The following CFAP20DC variants were observed in gnomAD, a reference collection of about 807,000 sequenced individuals.
The protein encoded by CFAP20DC is protein CFAP20DC.
A neutral mutation model predicts 101.7 loss-of-function variants in CFAP20DC; 84 were observed. The ratio of observed to expected loss-of-function variants is 0.83; its 90% CI spans 0.69 to 0.99. CFAP20DC has a LOEUF of 0.99. CFAP20DC is among the 50% of genes least tolerant of loss of function. The pLI is 0.00. For missense variants in CFAP20DC, 1,007 were observed against 970.3 expected (o/e 1.04, Z -0.50); for synonymous variants, 359 against 351.2 (o/e 1.02, Z -0.25).
intron 12 of CFAP20DC, among the ~76,000 whole-genome samples, chr3:58,856,148 G>A (rs937550723): frequency 6.6e-6 from 1 of 151,318 alleles, no homozygotes; most frequent in African/African-American, 2.4e-5. Flanking sequence ...CTAACAAATA[G>A]TGTACCTCCA....
At chr3:58,747,614 G>A (rs2068296063) in intron 16 of CFAP20DC, among the ~76,000 whole-genome samples, 1 of 152,134 alleles carries the variant, frequency 6.6e-6, no homozygotes, top group South Asian at 2.1e-4. Flanking sequence ...AGAACTGATT[G>A]ACTGTATTTT....
chr3:58,817,936 G>C (rs2075322215), intron 14 of CFAP20DC, among the ~76,000 whole-genome samples: 1 of 150,532 alleles, frequency 6.6e-6, no homozygotes, highest in Non-Finnish European at 1.5e-5. Flanking sequence ...ACTAACAGCG[G>C]ATCTCTCGGC....
At chr3:58,919,924 T>C (rs1447426809) in intron 5 of CFAP20DC, among the ~76,000 whole-genome samples, 1 of 152,160 alleles carries the variant, frequency 6.6e-6, no homozygotes, top group Non-Finnish European at 1.5e-5. Context: ...TAGAATTGTT[T>C]ACATAAATGA....
At chr3:58,996,159 G>C (rs1457014618) in intron 4 of CFAP20DC, among the ~76,000 whole-genome samples, 1 of 151,884 alleles carries the variant, frequency 6.6e-6, no homozygotes, top group African/African-American at 2.4e-5. Flanking sequence ...ACCATAATTG[G>C]GTTTTCCAGT....
chr3:58,815,231 A>C (rs1057327213), intron 14 of CFAP20DC, among the ~76,000 whole-genome samples: 7 of 151,746 alleles, frequency 4.6e-5, no homozygotes, highest in Admixed American at 4.6e-4. Context: ...AATCTTTGAC[A>C]AACCTGAGAA....
At chr3:58,763,413 A>T (rs564400907) in intron 15 of CFAP20DC, among the ~76,000 whole-genome samples, 4 of 152,014 alleles carry the variant, frequency 2.6e-5, no homozygotes, top group South Asian at 4.2e-4. Context: ...ACTTCTCTGC[A>T]TTGGTTATTC....
chr3:58,865,722 T>G (rs1047991802), intron 11 of CFAP20DC, among the ~76,000 whole-genome samples: 64 of 152,242 alleles, frequency 4.2e-4, no homozygotes, highest in African/African-American at 1.5e-3. Flanking sequence ...TGTATATGGA[T>G]ATGTGAAGAA....
chr3:58,808,564 C>A (rs113406203), intron 14 of CFAP20DC, among the ~76,000 whole-genome samples: 13,009 of 152,104 alleles, frequency 0.086, 972 homozygotes, highest in East Asian at 0.35. Context: ...CCTGAAGGAA[C>A]CGCTAAACAT....
Position 58,959,386 on chromosome 3 carries a change from G to A in CFAP20DC, c.279-21624C>T, listed in dbSNP as rs1418766579. 3.3e-5 allele frequency among the ~76,000 whole-genome samples: 5 copies of A among 152,182 alleles called. No individual in the cohort carries two copies. In the East Asian group the frequency reaches 7.7e-4, roughly 23 times the overall value. On this transcript the variant is annotated intron_variant, in intron 4 of 16. Transcript: ENST00000482387. ...TGGGATTACAGGCGTAAGCCACTGCGTCTGGCCAAAGTCTTATATTTGAGT... is the reference window on the plus strand; with the variant it reads ...TGGGATTACAGGCGTAAGCCACTGCATCTGGCCAAAGTCTTATATTTGAGT...
intron 4 of CFAP20DC, among the ~76,000 whole-genome samples, chr3:59,011,554 A>G (rs187934151): frequency 6.6e-6 from 1 of 152,242 alleles, no homozygotes; most frequent in Non-Finnish European, 1.5e-5. Context: ...GGAAGGAACT[A>G]GAGAAAGAAG....
At chr3:58,903,456 T>G (rs1680306641) in intron 6 of CFAP20DC, among the ~76,000 whole-genome samples, 1 of 152,204 alleles carries the variant, frequency 6.6e-6, no homozygotes, top group South Asian at 2.1e-4. Flanking sequence ...GTTTGTGTAT[T>G]AGTTCCTTCT....
Position 58,765,461 on chromosome 3 carries a change from A to G in CFAP20DC, c.2238-11598T>C, listed in dbSNP as rs1386968455. ...AAAGAGTCATGGTCTGATGGAGAAC[A>G]CATTCTAGCCAAAAAAAAAAAAAAA... On this transcript the variant is annotated intron_variant, in intron 15 of 16. Transcript: ENST00000482387. Among the ~76,000 whole-genome samples the G allele has an allele frequency of 3.4e-4, 48 of 143,230 alleles. 1 individual carries two copies. Among genetic ancestry groups the G allele is most frequent in the African/African-American group, 1.2e-3 (47 of 38,376 alleles). 94.0% of individuals were successfully genotyped at this position (143,230 alleles called of 152,430 possible).
At chr3:59,008,336 C>G (rs1051427157) in intron 4 of CFAP20DC, among the ~76,000 whole-genome samples, 4 of 152,138 alleles carry the variant, frequency 2.6e-5, no homozygotes, top group Non-Finnish European at 4.4e-5. Context: ...CCTGATAAAA[C>G]CTAATTAAGA....
downstream of CFAP20DC, chr3:58,737,277 AC>A (rs1161072700): frequency 4.4e-6 from 2 of 454,122 alleles, no homozygotes; most frequent in East Asian, 7.0e-5. This position sits in a 1 kb window ranked among gnomAD's most constrained non-coding sequence, Gnocchi z 4.1. Flanking sequence ...TCCACTAACC[AC>A]CCCCCACCCC....
At chr3:58,824,057 A>G (rs1342796406) in intron 14 of CFAP20DC, among the ~76,000 whole-genome samples, 7 of 152,102 alleles carry the variant, frequency 4.6e-5, no homozygotes, top group Admixed American at 4.6e-4. Flanking sequence ...TACTGTCTCT[A>G]TTGTCACTAT....
chr3:58,726,957 G>A (rs2067561699), intron 3 of CFAP20DC: 1 of 248,628 alleles, frequency 4.0e-6, no homozygotes, highest in African/African-American at 2.4e-5. Context: ...CAGAAGAGAT[G>A]AGAGCGACCC....
chr3:59,020,107 A>G (rs1006186643), intron 4 of CFAP20DC, among the ~76,000 whole-genome samples: 1 of 152,070 alleles, frequency 6.6e-6, no homozygotes, highest in African/African-American at 2.4e-5. Flanking sequence ...TATTTTATGT[A>G]TATGTTTTTA....
At chr3:58,791,958 C>G (rs1164973155) in intron 15 of CFAP20DC, among the ~76,000 whole-genome samples, 1 of 152,134 alleles carries the variant, frequency 6.6e-6, no homozygotes, top group Non-Finnish European at 1.5e-5. Flanking sequence ...ACAAGGAAAC[C>G]TAGAAGTGCA....
intron 4 of CFAP20DC, among the ~76,000 whole-genome samples, chr3:58,944,226 A>C (rs769844488): frequency 4.6e-5 from 7 of 152,170 alleles, no homozygotes; most frequent in Non-Finnish European, 1.0e-4. Flanking sequence ...TACAGAGACC[A>C]CCACAAAGAT....
Sources: gnomAD v4.1 joint callset for allele counts (sites outside exome capture counted in the v4.1 genomes callset) on GRCh38, gnomAD v4.1.1 for gene constraint, Gnocchi (gnomAD v3.1) non-coding constraint, MANE v1.5 for transcripts, NCBI Gene and HGNC (gene_info 2026-07-23, HGNC 2026-07-21) for gene names.